The following GRID1 variants were observed in gnomAD, a reference collection of about 807,000 sequenced individuals.
The protein encoded by GRID1 is glutamate receptor ionotropic, delta-1.
In GRID1, 28 loss-of-function variants were observed where a neutral mutation model predicts 98.0. The observed-to-expected ratio is 0.29, with a 90% CI of 0.21 to 0.39. The LOEUF is 0.39. Ranked by LOEUF, GRID1 falls within the 10% of genes least tolerant of loss-of-function variation. The probability of loss-of-function intolerance (pLI) is 1.00; values close to 1 mark genes in which losing one functional copy is unlikely to be tolerated. For missense variants in GRID1, 1,111 were observed against 1,340.5 expected, an observed-to-expected ratio of 0.83 and a Z score of 2.67; for synonymous variants, 553 against 538.5, an observed-to-expected ratio of 1.03 and a Z score of -0.37.
intron 5 of GRID1, among the ~76,000 whole-genome samples, chr10:85,890,519 T>A (rs538576638): frequency 6.6e-6 from 1 of 152,344 alleles, no homozygotes; most frequent in Non-Finnish European, 1.5e-5. Context: ...TTTTGGTCAT[T>A]CACTGTATAT....
At chr10:85,683,767 T>G (rs1278128774) in intron 12 of GRID1, among the ~76,000 whole-genome samples, 1 of 152,332 alleles carries the variant, frequency 6.6e-6, no homozygotes, top group East Asian at 1.9e-4. Context: ...TTGGCCCAGA[T>G]AGCTTCACTG....
At chr10:85,985,399 C>T (rs1295151402) in intron 4 of GRID1, among the ~76,000 whole-genome samples, 1 of 152,202 alleles carries the variant, frequency 6.6e-6, no homozygotes, top group Non-Finnish European at 1.5e-5. Context: ...TCGGTCTCCC[C>T]CAACTGTAAG....
intron 2 of GRID1, among the ~76,000 whole-genome samples, chr10:86,354,173 T>C (rs1848502119): frequency 6.6e-6 from 1 of 151,472 alleles, no homozygotes; most frequent in African/African-American, 2.4e-5. Context: ...AAGACAGCCT[T>C]CCAGGCCAGG....
intron 4 of GRID1, among the ~76,000 whole-genome samples, chr10:85,951,016 G>A (rs1842117708): frequency 6.6e-6 from 1 of 151,982 alleles, no homozygotes; most frequent in Non-Finnish European, 1.5e-5. Context: ...AATGGCCCCT[G>A]CAGGACTCCA....
intron 1 of GRID1, among the ~76,000 whole-genome samples, 191 bp from the exon 2 acceptor site, chr10:86,364,287 C>G (rs140138727): frequency 3.9e-4 from 60 of 152,306 alleles, no homozygotes; most frequent in Admixed American, 5.9e-4. Context: ...CCCCTCCCCC[C>G]ACCAGCCCTC....
At chr10:85,855,096 T>C (rs1012796743) in intron 7 of GRID1, among the ~76,000 whole-genome samples, 2 of 152,258 alleles carry the variant, frequency 1.3e-5, no homozygotes, top group Non-Finnish European at 2.9e-5. Flanking sequence ...ATCCCTAGCT[T>C]GGATCCTGGC....
At chr10:86,241,926 C>G (rs1329938205) in intron 2 of GRID1, among the ~76,000 whole-genome samples, 4 of 152,230 alleles carry the variant, frequency 2.6e-5, no homozygotes, top group Non-Finnish European at 4.4e-5. Context: ...AATGCCTATG[C>G]TGGGTCCCTG....
intron 13 of GRID1, among the ~76,000 whole-genome samples, chr10:85,636,975 T>C (rs953045477): frequency 2.0e-5 from 3 of 152,136 alleles, no homozygotes; most frequent in Admixed American, 2.0e-4. Context: ...TGTAAATAAC[T>C]GGAAATGACC....
intron 4 of GRID1, among the ~76,000 whole-genome samples, chr10:86,019,175 C>G (rs1186658286): frequency 3.9e-5 from 6 of 152,244 alleles, no homozygotes. Context: ...TCAAAGCCCA[C>G]TCAGAAACAC....
At chr10:85,776,177 G>A (rs775216212) in intron 8 of GRID1, among the ~76,000 whole-genome samples, 2 of 152,126 alleles carry the variant, frequency 1.3e-5, no homozygotes, top group Non-Finnish European at 2.9e-5. Flanking sequence ...GAAATGGTTG[G>A]TGTAAGGCCT....
chr10:85,986,511 TA>T (rs780646068), intron 4 of GRID1, among the ~76,000 whole-genome samples: 2 of 152,102 alleles, frequency 1.3e-5, no homozygotes, highest in African/African-American at 2.4e-5. Flanking sequence ...AACAATCAGG[TA>T]AATACAGCAG....
chr10:86,003,937 A>G (rs1364472832), intron 4 of GRID1, among the ~76,000 whole-genome samples: 1 of 152,214 alleles, frequency 6.6e-6, no homozygotes, highest in African/African-American at 2.4e-5. Flanking sequence ...GCAACAGGAT[A>G]CTGTTCACTA....
chr10:86,263,229 G>C lies in GRID1; in HGVS notation c.236-56581C>G, dbSNP rs532799951. On this transcript the variant is annotated intron_variant, in intron 2 of 15. Transcript: ENST00000327946. ...ACATTACACCCCCTGCATTTTATCTGCTTAAATAAATTTGGTGGTTAGAGT... is the reference window on the plus strand; with the variant it reads ...ACATTACACCCCCTGCATTTTATCTCCTTAAATAAATTTGGTGGTTAGAGT... Among the ~76,000 whole-genome samples, 236 of 152,376 alleles carry C rather than the reference G, an allele frequency of 1.5e-3. 1 individual carries two copies. Among genetic ancestry groups the C allele is most frequent in the African/African-American group, 5.5e-3 (229 of 41,592 alleles).
In GRID1 at chr10:85,995,787, A is replaced by T. The variant is rs117571820; in HGVS notation, c.727-79548T>A. 1.9e-3 allele frequency among the ~76,000 whole-genome samples: 282 copies of T among 152,338 alleles called. 1 individual carries two copies. The highest frequency in any genetic ancestry group is 0.01 in the Middle Eastern group (3 of 294). ...GCCACAGCTGATTGGAGAACCATCAAAGAGTCCCTCAGAATAGGAAAAGAG... is the reference window on the plus strand; with the variant it reads ...GCCACAGCTGATTGGAGAACCATCATAGAGTCCCTCAGAATAGGAAAAGAG... On this transcript the variant is annotated intron_variant, in intron 4 of 15. Coordinates refer to ENST00000327946, the MANE Select transcript of GRID1 (RefSeq NM_017551.3).
Position 85,831,355 on chromosome 10 carries a change from G to T in GRID1, c.1233+23141C>A, listed in dbSNP as rs145464058. On this transcript the variant is annotated intron_variant, in intron 8 of 15. Transcript: ENST00000327946. Reference sequence around the variant, plus strand: ...GTACTATGCTAATTACCTGGGTGATGAAATAATCTGTACACCAAACCCCCA... The same window carrying T: ...GTACTATGCTAATTACCTGGGTGATTAAATAATCTGTACACCAAACCCCCA... 5.4e-3 allele frequency among the ~76,000 whole-genome samples: 817 copies of T among 152,128 alleles called. 11 individuals are homozygous for T. Among genetic ancestry groups the T allele is most frequent in the African/African-American group, 0.019 (776 of 41,512 alleles).
At chr10:85,605,816 A>G (rs1179154309) in intron 15 of GRID1, 2 of 152,224 alleles carry the variant, frequency 1.3e-5, no homozygotes, top group Middle Eastern at 3.2e-3. Flanking sequence ...GGTTGGAAGT[A>G]AGGGACAAGG....
chr10:85,797,689 G>A (rs1842538366), intron 8 of GRID1, among the ~76,000 whole-genome samples: 1 of 149,942 alleles, frequency 6.7e-6, no homozygotes, highest in Non-Finnish European at 1.5e-5. Context: ...AACCTCAGGT[G>A]ATCCACCCGC....
intron 4 of GRID1, among the ~76,000 whole-genome samples, chr10:86,011,374 A>C (rs1386945676): frequency 2.0e-5 from 3 of 152,234 alleles, no homozygotes; most frequent in African/African-American, 7.2e-5. Flanking sequence ...AATACCTAGC[A>C]AATAATAAAT....
intron 5 of GRID1, among the ~76,000 whole-genome samples, chr10:85,889,266 C>T (rs942893567): frequency 9.9e-5 from 15 of 152,172 alleles, no homozygotes; most frequent in Admixed American, 3.9e-4. Context: ...CCCAACAGAG[C>T]AATGTGGAAA....
Sources: allele counts gnomAD v4.1 joint callset (sites outside exome capture counted in the v4.1 genomes callset), GRCh38; gene constraint gnomAD v4.1.1; transcripts MANE v1.5; gene names NCBI Gene and HGNC (gene_info 2026-07-23, HGNC 2026-07-21).